The following TMOD1 variants were observed in gnomAD, a reference collection of about 807,000 sequenced individuals.
The protein encoded by TMOD1 is tropomodulin-1.
In TMOD1, 17 loss-of-function variants were observed where a neutral mutation model predicts 40.6. That is an observed-to-expected ratio of 0.42 (90% CI 0.29 to 0.63). The LOEUF (loss-of-function observed/expected upper bound fraction) is 0.63. Ranked by LOEUF, TMOD1 falls within the 20% of genes least tolerant of loss-of-function variation. The probability of loss-of-function intolerance (pLI) is 0.22; values close to 1 mark genes in which losing one functional copy is unlikely to be tolerated. For synonymous variants in TMOD1, 181 were observed against 175.0 expected (o/e 1.03, Z -0.27); for missense variants, 391 against 447.6 (o/e 0.87, Z 1.14).
chr9:97,594,987 G>C (rs1826077898), intron 9 of TMOD1, among the ~76,000 whole-genome samples: 1 of 152,148 alleles, frequency 6.6e-6, no homozygotes, highest in Non-Finnish European at 1.5e-5. Context: ...TTTAAAAGCA[G>C]AAAACATCCC....
intron 4 of TMOD1, among the ~76,000 whole-genome samples, chr9:97,556,609 T>C (rs1189569987): frequency 6.6e-6 from 1 of 152,164 alleles, no homozygotes; most frequent in Non-Finnish European, 1.5e-5. Context: ...GTGCTGTCCA[T>C]TTAGTCTCTG....
intron 8 of TMOD1, among the ~76,000 whole-genome samples, chr9:97,587,767 C>T (rs1433495196): frequency 2.6e-5 from 4 of 152,198 alleles, no homozygotes; most frequent in African/African-American, 7.2e-5. Context: ...TCCCCTCCCC[C>T]AGCCCCTGGC....
intron 2 of TMOD1, among the ~76,000 whole-genome samples, chr9:97,540,496 C>T (rs765108553): frequency 3.2e-4 from 48 of 152,164 alleles, no homozygotes; most frequent in Admixed American, 2.1e-3. Flanking sequence ...TATAGTCACT[C>T]TGGGGGTGAG....
rs1830697143 is a variant in TMOD1, at chr9:97,564,545, T to G, written c.618+377T>G. 2.6e-5 allele frequency among the ~76,000 whole-genome samples: 4 copies of G among 152,342 alleles called. No individual in the cohort carries two copies. In the South Asian group the frequency reaches 8.3e-4, roughly 32 times the overall value. On this transcript the variant is annotated intron_variant, in intron 6 of 9. Transcript: ENST00000259365. Reference sequence around the variant, plus strand: ...GGATCTCAAGGCTGGAAAAGTCCGGTGCCCACTAGGCTCGGGGGTAACACA... The same window carrying G: ...GGATCTCAAGGCTGGAAAAGTCCGGGGCCCACTAGGCTCGGGGGTAACACA...
At position 97,599,947 on chromosome 9, in the gene TMOD1, CCAG is replaced by C. The variant is rs1826215883; in HGVS notation, c.*253_*255del. ...TATTTAAAAACTAGAAGCCCCCAAA[CCAG>C]CAGATCTTACTGAAGATGATGTTCC... On this transcript the variant is annotated 3_prime_UTR_variant, in exon 10 of 10. Transcript: ENST00000259365. 4.7e-6 allele frequency: 6 copies of C among 1,265,882 alleles called. No homozygotes were observed. In the Admixed American group the frequency reaches 1.3e-4, roughly 28 times the overall value. The allele number at this position is 1,265,882 out of a possible 1,614,324, so 78.4% of individuals were successfully genotyped here. A position where few individuals can be genotyped will look rare whatever the true frequency, so the allele number is the denominator to read the frequency against.
chr9:97,549,634 TA>T (rs1345568926), intron 3 of TMOD1, among the ~76,000 whole-genome samples: 1 of 152,244 alleles, frequency 6.6e-6, no homozygotes, highest in Non-Finnish European at 1.5e-5. Context: ...GTTTTGCTGA[TA>T]GAGGTAATTG....
intron 8 of TMOD1, among the ~76,000 whole-genome samples, chr9:97,570,570 A>G (rs1373517364): frequency 1.3e-5 from 2 of 151,658 alleles, no homozygotes; most frequent in African/African-American, 4.8e-5. Context: ...TTCTCCCACT[A>G]GTCTGCCATA....
chr9:97,591,193 C>G, intron 8 of TMOD1, 98 bp from the exon 9 acceptor site: 1 of 1,311,576 alleles, frequency 7.6e-7, no homozygotes, highest in Admixed American at 2.7e-5. Flanking sequence ...TCCCCTCCCA[C>G]TACTCAAGAG....
At position 97,557,463 on chromosome 9, in the gene TMOD1, G is replaced by A. The variant is rs1830553690; in HGVS notation, c.397+4063G>A. On this transcript the variant is annotated intron_variant, in intron 4 of 9. Coordinates refer to ENST00000259365, the MANE Select transcript of TMOD1 (RefSeq NM_003275.4). The surrounding 1 kb of genome is among the most constrained non-coding windows in gnomAD (Gnocchi z 4.4). ...ACAGCCTCGGGCCACTCACCCCCAA[G>A]GGCAGTTGGCAACCTGGGGGTCTTG... Among the ~76,000 whole-genome samples, 2 of 152,162 alleles carry A rather than the reference G, an allele frequency of 1.3e-5. No individual in the cohort carries two copies. The highest frequency in any genetic ancestry group is 4.8e-5 in the African/African-American group (2 of 41,456).
chr9:97,521,977 C>T (rs1587918427), intron 1 of TMOD1, among the ~76,000 whole-genome samples: 1 of 152,258 alleles, frequency 6.6e-6, no homozygotes, highest in East Asian at 1.9e-4. Context: ...ACTGTCCTTT[C>T]CTAGTTTTCA....
At chr9:97,548,055 A>G (rs952821914) in intron 3 of TMOD1, among the ~76,000 whole-genome samples, 2 of 152,252 alleles carry the variant, frequency 1.3e-5, no homozygotes, top group African/African-American at 4.8e-5. Flanking sequence ...GGCACCTAAT[A>G]AATCCGTAGC....
In TMOD1 at chr9:97,556,878, C is replaced by T. The variant is rs994023552; in HGVS notation, c.397+3478C>T. Among the ~76,000 whole-genome samples, 50 of 152,202 alleles carry T rather than the reference C, an allele frequency of 3.3e-4. 2 individuals are homozygous for T. In the Middle Eastern group the frequency reaches 0.014, roughly 41 times the overall value. On this transcript the variant is annotated intron_variant, in intron 4 of 9. Transcript: ENST00000259365. ...CAGGGCTTGGGAGCGGCAGGAGGAG[C>T]GGTTCCGGGCTGGGGAGGGCAGGCC...
chr9:97,514,813 C>T (rs559550118), intron 1 of TMOD1, among the ~76,000 whole-genome samples: 6 of 152,324 alleles, frequency 3.9e-5, no homozygotes, highest in East Asian at 3.9e-4. Context: ...GATTGTGTTG[C>T]GGCAGCGGCC....
intron 9 of TMOD1, 152 bp from the exon 10 acceptor site, chr9:97,599,482 C>G: frequency 1.1e-6 from 1 of 896,454 alleles, no homozygotes; most frequent in South Asian, 1.6e-5. Flanking sequence ...GGCTGTTGTA[C>G]AACTCACACA....
intron 1 of TMOD1, among the ~76,000 whole-genome samples, chr9:97,503,958 C>A (rs1829546171): frequency 6.6e-6 from 1 of 152,178 alleles, no homozygotes; most frequent in South Asian, 2.1e-4. Flanking sequence ...GAGACAGTGG[C>A]TTTCCCAGGT....
Position 97,600,931 on chromosome 9 carries a change from G to GAGTT in TMOD1, c.*1235_*1238dup, listed in dbSNP as rs1054790655. Reference sequence around the variant, plus strand: ...TAATATTTTTGTTTGTTGCTTTTGGGAGTTATTTTCATTAGTGATTTCAGC... The same window carrying GAGTT: ...TAATATTTTTGTTTGTTGCTTTTGGGAGTTAGTTATTTTCATTAGTGATTTCAGC... On this transcript the variant is annotated 3_prime_UTR_variant, in exon 10 of 10. Transcript: ENST00000259365. The GAGTT allele has an allele frequency of 7.9e-6, 9 of 1,140,126 alleles. No individual in the cohort carries two copies. In the African/African-American group the frequency reaches 1.5e-4, roughly 19 times the overall value. 70.6% of individuals were successfully genotyped at this position (1,140,126 alleles called of 1,614,324 possible).
At chr9:97,505,573 C>T (rs1206413214) in intron 1 of TMOD1, among the ~76,000 whole-genome samples, 1 of 152,158 alleles carries the variant, frequency 6.6e-6, no homozygotes. Flanking sequence ...GCTGTTGGTG[C>T]CTTGGTGCCA....
intron 2 of TMOD1, among the ~76,000 whole-genome samples, chr9:97,528,052 C>A (rs1830044151): frequency 6.6e-6 from 1 of 152,198 alleles, no homozygotes; most frequent in Non-Finnish European, 1.5e-5. Flanking sequence ...TGTTTCACCC[C>A]CAAACTGGCA....
intron 1 of TMOD1, among the ~76,000 whole-genome samples, chr9:97,506,268 C>A (rs1412793207): frequency 2.6e-5 from 4 of 152,148 alleles, no homozygotes; most frequent in African/African-American, 9.7e-5. Flanking sequence ...TGGAACCACC[C>A]AATGATGTAT....
Sources: gnomAD v4.1 joint callset for allele counts (sites outside exome capture counted in the v4.1 genomes callset) on GRCh38, gnomAD v4.1.1 for gene constraint, Gnocchi (gnomAD v3.1) non-coding constraint, MANE v1.5 for transcripts, NCBI Gene and HGNC (gene_info 2026-07-23, HGNC 2026-07-21) for gene names.